The following IL1RAPL2 variants were observed in gnomAD, a reference collection of about 807,000 sequenced individuals.
IL1RAPL2 encodes the protein X-linked interleukin-1 receptor accessory protein-like 2.
Under a neutral mutation model 44.1 loss-of-function variants are expected in IL1RAPL2, and 3 were observed. The observed-to-expected ratio is 0.07, with a 90% CI of 0.03 to 0.18. The LOEUF (loss-of-function observed/expected upper bound fraction) is 0.18, where lower values mean the gene tolerates loss of function less well. Ranked by LOEUF, IL1RAPL2 falls within the 10% of genes least tolerant of loss-of-function variation. The pLI, the probability that IL1RAPL2 is intolerant of heterozygous loss-of-function variation, is 1.00. For missense variants in IL1RAPL2, 391 were observed against 496.4 expected, an observed-to-expected ratio of 0.79 and a Z score of 2.02; for synonymous variants, 181 against 178.8, an observed-to-expected ratio of 1.01 and a Z score of -0.10.
At chrX:104,716,905 G>GC (rs1232186146) in intron 2 of IL1RAPL2, among the ~76,000 whole-genome samples, 2 of 111,672 alleles carry the variant, frequency 1.8e-5, no homozygotes, top group Non-Finnish European at 3.8e-5. Flanking sequence ...ATTAGACCCA[G>GC]CAATCCCATT....
intron 3 of IL1RAPL2, among the ~76,000 whole-genome samples, chrX:105,226,459 G>A (rs2034016448): frequency 1.2e-5 from 1 of 84,189 alleles, no homozygotes; most frequent in Non-Finnish European, 2.2e-5. Flanking sequence ...GTGCAATGGT[G>A]TGATCTCAGC....
intron 2 of IL1RAPL2, among the ~76,000 whole-genome samples, chrX:104,768,088 ATCATGGAATG>A (rs1405433863): frequency 8.9e-6 from 1 of 112,177 alleles, no homozygotes; most frequent in Non-Finnish European, 1.9e-5. Flanking sequence ...ATAGGTATAC[ATCATGGAATG>A]TCTCAATTTA....
chrX:104,752,587 G>T (rs929161217), intron 2 of IL1RAPL2, among the ~76,000 whole-genome samples: 2 of 110,420 alleles, frequency 1.8e-5, no homozygotes, highest in Non-Finnish European at 3.8e-5. Context: ...AGTGGTGATT[G>T]TTACTGTCTG....
At chrX:105,606,952 A>ATATAG (rs1319479364) in intron 6 of IL1RAPL2, among the ~76,000 whole-genome samples, 1 of 111,540 alleles carries the variant, frequency 9.0e-6, no homozygotes, top group Admixed American at 9.5e-5. Flanking sequence ...ACCTACAACT[A>ATATAG]TATAGGAGAA....
chrX:105,737,273 G>A (rs2038458323), intron 7 of IL1RAPL2, among the ~76,000 whole-genome samples: 1 of 110,504 alleles, frequency 9.0e-6, no homozygotes, highest in Admixed American at 9.6e-5. Context: ...TTATTACCTA[G>A]GTAATAAAAT....
At chrX:105,354,978 C>G (rs1470316919) in intron 5 of IL1RAPL2, among the ~76,000 whole-genome samples, 6 of 111,884 alleles carry the variant, frequency 5.4e-5, no homozygotes, top group African/African-American at 1.9e-4. Flanking sequence ...TTTCTGTTCC[C>G]TATACCAATA....
At chrX:105,387,403 T>C (rs1478952057) in intron 5 of IL1RAPL2, among the ~76,000 whole-genome samples, 1 of 109,625 alleles carries the variant, frequency 9.1e-6, no homozygotes, top group East Asian at 2.9e-4. Flanking sequence ...CCCGGCTAAT[T>C]TTTGTATTTT....
intron 2 of IL1RAPL2, among the ~76,000 whole-genome samples, chrX:104,668,203 T>C (rs1930519922): frequency 9.0e-6 from 1 of 111,371 alleles, no homozygotes; most frequent in Non-Finnish European, 1.9e-5. Context: ...TTTAAAATTA[T>C]AGGATATATA....
intron 1 of IL1RAPL2, among the ~76,000 whole-genome samples, chrX:104,650,389 G>T (rs1930130276): frequency 1.8e-5 from 2 of 111,018 alleles, no homozygotes; most frequent in South Asian, 7.6e-4. Flanking sequence ...AGGTTTCCAG[G>T]AGTAACTCGA....
chrX:104,779,697 A>T (rs931709937), intron 2 of IL1RAPL2, among the ~76,000 whole-genome samples: 10 of 111,845 alleles, frequency 8.9e-5, no homozygotes, highest in African/African-American at 3.3e-4. Context: ...GAAGTTACAT[A>T]GCTTGTCCAA....
chrX:104,679,961 A>C (rs1486362353), intron 2 of IL1RAPL2, among the ~76,000 whole-genome samples: 1 of 111,889 alleles, frequency 8.9e-6, no homozygotes, highest in Non-Finnish European at 1.9e-5. Context: ...TATTCAAGCC[A>C]TCAGAAAATG....
At chrX:104,694,681 C>T (rs958742933) in intron 2 of IL1RAPL2, among the ~76,000 whole-genome samples, 2 of 111,377 alleles carry the variant, frequency 1.8e-5, no homozygotes, top group African/African-American at 3.3e-5. Flanking sequence ...TGAGGATACA[C>T]GCAAGATAGG....
chrX:105,093,133 C>A (rs142228674), intron 2 of IL1RAPL2, among the ~76,000 whole-genome samples: 2,406 of 109,676 alleles, frequency 0.022, 60 homozygotes, highest in African/African-American at 0.076. Context: ...ACCAACCTCC[C>A]CTCTTGTGCA....
intron 6 of IL1RAPL2, among the ~76,000 whole-genome samples, chrX:105,625,867 C>A (rs1421877349): frequency 5.4e-5 from 6 of 111,494 alleles, no homozygotes; most frequent in African/African-American, 1.9e-4. Flanking sequence ...TTAAAAACTG[C>A]CTACATACAA....
intron 6 of IL1RAPL2, among the ~76,000 whole-genome samples, chrX:105,625,808 G>GAA (rs199914562): frequency 5.8e-5 from 6 of 104,059 alleles, no homozygotes; most frequent in South Asian, 8.3e-4. Context: ...GGAAGAATTA[G>GAA]AAAAAAAAAA....
intron 6 of IL1RAPL2, among the ~76,000 whole-genome samples, chrX:105,600,155 T>G (rs2037240407): frequency 9.0e-6 from 1 of 111,372 alleles, no homozygotes; most frequent in African/African-American, 3.3e-5. Context: ...CATTGTAAAT[T>G]ATTGCATAGA....
intron 2 of IL1RAPL2, among the ~76,000 whole-genome samples, chrX:104,998,231 A>C (rs1368862163): frequency 8.9e-6 from 1 of 111,920 alleles, no homozygotes; most frequent in African/African-American, 3.2e-5. Flanking sequence ...TATGGTGTTG[A>C]GAAATCAAGT....
chrX:104,889,799 A>G (rs1189423944), intron 2 of IL1RAPL2, among the ~76,000 whole-genome samples: 1 of 87,477 alleles, frequency 1.1e-5, no homozygotes, highest in African/African-American at 3.6e-5. Flanking sequence ...ACAATCCCAA[A>G]TAGACTTTTT....
intron 2 of IL1RAPL2, among the ~76,000 whole-genome samples, chrX:104,785,543 T>C (rs1256741843): frequency 9.0e-6 from 1 of 111,487 alleles, no homozygotes; most frequent in Non-Finnish European, 1.9e-5. Context: ...TCTCCCTCCT[T>C]ATTCAGAGTC....
Sources: allele counts gnomAD v4.1 joint callset (sites outside exome capture counted in the v4.1 genomes callset), GRCh38; gene constraint gnomAD v4.1.1; transcripts MANE v1.5; gene names NCBI Gene and HGNC (gene_info 2026-07-23, HGNC 2026-07-21).